The following MRPL44 variants were observed in gnomAD, a reference collection of about 807,000 sequenced individuals.
The protein encoded by MRPL44 is large ribosomal subunit protein mL44.
Under a neutral mutation model 25.9 loss-of-function variants are expected in MRPL44, and 21 were observed. That is an observed-to-expected ratio of 0.81 (90% CI 0.58 to 1.17). MRPL44 has a LOEUF of 1.17. Among genes scored for constraint, MRPL44 ranks in the 50% most tolerant of loss-of-function variants. The pLI is 0.00. For missense variants in MRPL44, 410 were observed against 398.9 expected (o/e 1.03, Z -0.24); for synonymous variants, 169 against 151.0 (o/e 1.12, Z -0.87).
Position 223,967,221 on chromosome 2 carries a change from G to C in MRPL44, c.*187G>C. The C allele has an allele frequency of 1.7e-6, 1 of 605,808 alleles. No homozygotes were observed. Among genetic ancestry groups the C allele is most frequent in the Non-Finnish European group, 2.7e-6 (1 of 372,320 alleles). 37.5% of individuals were successfully genotyped at this position (605,808 alleles called of 1,614,324 possible). A position where few individuals can be genotyped will look rare whatever the true frequency, so the allele number is the denominator to read the frequency against. ...TTTGGTTTTGTTTTTCTGAAATCTTGGTTTGATCAAATCTTTTTTTTTTTC... is the reference window on the plus strand; with the variant it reads ...TTTGGTTTTGTTTTTCTGAAATCTTCGTTTGATCAAATCTTTTTTTTTTTC... On this transcript the variant is annotated 3_prime_UTR_variant, in exon 4 of 4. Transcript: ENST00000258383.
chr2:223,958,496 CTTGT>C (rs1219245551), intron 1 of MRPL44, among the ~76,000 whole-genome samples: 1 of 152,146 alleles, frequency 6.6e-6, no homozygotes, highest in African/African-American at 2.4e-5. Context: ...TTCCCATTCC[CTTGT>C]TTATTATAAG....
At chr2:223,954,027 CT>C (rs1257055969), upstream of MRPL44, among the ~76,000 whole-genome samples, 1 of 152,208 alleles carries the variant, frequency 6.6e-6, no homozygotes, top group Non-Finnish European at 1.5e-5. Context: ...AGTGGAAACC[CT>C]GTGCTTGACA....
chr2:223,964,877 G>C (rs754408262), intron 3 of MRPL44, among the ~76,000 whole-genome samples: 17 of 152,136 alleles, frequency 1.1e-4, no homozygotes, highest in Non-Finnish European at 2.2e-4. Context: ...CTGGGACATG[G>C]TGGTCAGTAA....
At chr2:223,957,437 A>G, upstream of MRPL44, 1 of 1,613,026 alleles carries the variant, frequency 6.2e-7, no homozygotes, top group Non-Finnish European at 8.5e-7. Context: ...TGGCCCGACT[A>G]CTTTCGTTCC....
chr2:223,958,180 T>C (rs138383902), intron 1 of MRPL44, among the ~76,000 whole-genome samples: 1 of 152,346 alleles, frequency 6.6e-6, no homozygotes, highest in East Asian at 1.9e-4. Flanking sequence ...CTTTACATAA[T>C]TTAAATTCCT....
At chr2:223,957,280 G>C, upstream of MRPL44, 1 of 639,102 alleles carries the variant, frequency 1.6e-6, no homozygotes, top group Non-Finnish European at 2.7e-6. Context: ...CGCAAGCGTA[G>C]CCTCAAGGCG....
In MRPL44 at chr2:223,959,884, A is replaced by G. The variant is rs1689629859; in HGVS notation, c.530A>G (p.Gln177Arg). 6.2e-7 allele frequency: 1 copy of G among 1,614,202 alleles called. No individual in the cohort carries two copies. The highest frequency in any genetic ancestry group is 8.5e-7 in the Non-Finnish European group (1 of 1,180,030). ...CHVARNLAVE[Q>R]LTLSEEFPVP... Reference sequence around the variant, plus strand: ...GTGGCTAGAAACTTGGCTGTGGAGCAGTTAACACTGAGTGAAGAATTCCCA... The same window carrying G: ...GTGGCTAGAAACTTGGCTGTGGAGCGGTTAACACTGAGTGAAGAATTCCCA... Residue 177 changes from glutamine to arginine, a missense_variant, in exon 2 of 4, where the codon CAG becomes CGG. By Grantham distance (43) the Gln-to-Arg change is conservative. Coordinates refer to ENST00000258383, the MANE Select transcript of MRPL44 (RefSeq NM_022915.5).
chr2:223,966,229 C>T (rs1465216043), intron 3 of MRPL44, among the ~76,000 whole-genome samples: 1 of 79,200 alleles, frequency 1.3e-5, no homozygotes, highest in African/African-American at 4.2e-5. Context: ...GAGTGAGACT[C>T]AGTCTCAAAA....
At position 223,963,803 on chromosome 2, in the gene MRPL44, G is replaced by A. The variant is rs765512605; in HGVS notation, c.696G>A (p.Trp232Ter). 1 of 1,613,028 alleles carries A rather than the reference G, an allele frequency of 6.2e-7. No individual in the cohort carries two copies. The highest frequency in any genetic ancestry group is 1.1e-5 in the South Asian group (1 of 90,882). ...CTGGAAAAGAGCTCTTTGAGATGTG[G>A]AAGATAATAAATCCCATGGGGCTAT... ...QMTGKELFEMWKIINPMGLLV... is the reference protein window; with the variant it reads ...QMTGKELFEM Residue 232 changes from tryptophan (W) to a stop codon, truncating the protein, a stop_gained, in exon 3 of 4, where the codon TGG (tryptophan) becomes TGA (stop). Coordinates refer to ENST00000258383, the MANE Select transcript of MRPL44 (RefSeq NM_022915.5). LOFTEE classifies it high-confidence loss of function.
At position 223,957,952 on chromosome 2, in the gene MRPL44, T is replaced by C. The variant is rs1347818; in HGVS notation, c.179+301T>C. 0.45 allele frequency among the ~76,000 whole-genome samples: 67,980 copies of C among 151,894 alleles called. 15,274 individuals carry two copies. Among genetic ancestry groups the C allele is most frequent in the African/African-American group, 0.49 (20,388 of 41,404 alleles). ...CCTTATGTGGACTTGGATGTTGTAGTCCCCGTTTGTAATGCCTGAGAATTC... is the reference window on the plus strand; with the variant it reads ...CCTTATGTGGACTTGGATGTTGTAGCCCCCGTTTGTAATGCCTGAGAATTC... On this transcript the variant is annotated intron_variant, in intron 1 of 3. Transcript: ENST00000258383.
At chr2:223,952,901 ATTGT>A (rs1417475905), upstream of MRPL44, among the ~76,000 whole-genome samples, 3 of 152,050 alleles carry the variant, frequency 2.0e-5, no homozygotes, top group Non-Finnish European at 4.4e-5. Context: ...CTGATTCATC[ATTGT>A]TTGATCAGTT....
At chr2:223,966,784 A>G in intron 3 of MRPL44, 79 bp from the exon 4 acceptor site, 2 of 1,259,012 alleles carry the variant, frequency 1.6e-6, no homozygotes, top group South Asian at 3.2e-5. Flanking sequence ...TGTAGAAGGC[A>G]TAATTGCTTT....
At position 223,959,191 on chromosome 2, in the gene MRPL44, C is replaced by G. The variant is rs114793971; in HGVS notation, c.180-343C>G. ...TGAATCTGTGAAATTAACATTTATG[C>G]TTCATACTTAGGTATAAAACATAGT... On this transcript the variant is annotated intron_variant, in intron 1 of 3. Coordinates refer to ENST00000258383, the MANE Select transcript of MRPL44 (RefSeq NM_022915.5). Among the ~76,000 whole-genome samples, 316 of 152,272 alleles carry G rather than the reference C, an allele frequency of 2.1e-3. 3 individuals are homozygous for G. The highest frequency in any genetic ancestry group is 7.4e-3 in the African/African-American group (309 of 41,558).
intron 3 of MRPL44, among the ~76,000 whole-genome samples, chr2:223,964,187 A>G (rs1031117605): frequency 1.3e-5 from 2 of 152,236 alleles, no homozygotes; most frequent in Admixed American, 1.3e-4. Context: ...TTTGTCAGCC[A>G]ACTATTTGCT....
chr2:223,956,049 C>T (rs1286943399), upstream of MRPL44, among the ~76,000 whole-genome samples: 2 of 152,180 alleles, frequency 1.3e-5, no homozygotes, highest in Middle Eastern at 3.2e-3. Context: ...TGTGCTACAA[C>T]TGGCTTAGAT....
At chr2:223,957,334 T>C (rs946150554), upstream of MRPL44, 9 of 1,103,586 alleles carry the variant, frequency 8.2e-6, no homozygotes, top group Non-Finnish European at 1.2e-5. Flanking sequence ...CCCTGCCCTC[T>C]CTCAGTCGCC....
chr2:223,959,596 A>G lies in MRPL44; in HGVS notation c.242A>G (p.Glu81Gly). The G allele has an allele frequency of 1.2e-6, 2 of 1,614,096 alleles. No homozygotes were observed. The highest frequency in any genetic ancestry group is 1.7e-6 in the Non-Finnish European group (2 of 1,179,994). The change falls in exon 2 of 4, where the codon GAA (glutamate) becomes GGA (glycine). Residue 81 changes from glutamate (E) to glycine (G), a missense_variant. Transcript: ENST00000258383. ...CAAGCTTTTGGACATCGGTTACAGG[A>G]AAACTTTTCCTTAGATCTTCTCAAA... ...EIQAFGHRLQ[E>G]NFSLDLLKTA...
At chr2:223,966,095 G>A (rs1689736751) in intron 3 of MRPL44, among the ~76,000 whole-genome samples, 1 of 152,114 alleles carries the variant, frequency 6.6e-6, no homozygotes, top group African/African-American at 2.4e-5. Context: ...GTGTTGGCGG[G>A]TGCGTTGGCG....
At position 223,957,615 on chromosome 2, in the gene MRPL44, A is replaced by C; in HGVS notation, c.143A>C (p.Gln48Pro). Reference protein sequence around the residue: ...AFRFQKELERQRLLRCPPPPV... With the variant: ...AFRFQKELERPRLLRCPPPPV... Reference sequence around the variant, plus strand: ...CGCTTCCAGAAGGAGTTAGAGCGGCAGCGCCTTCTGCGGTGCCCGCCGCCG... The same window carrying C: ...CGCTTCCAGAAGGAGTTAGAGCGGCCGCGCCTTCTGCGGTGCCCGCCGCCG... Residue 48 changes from glutamine (Q) to proline (P), a missense_variant, in exon 1 of 4, where the codon CAG (glutamine) becomes CCG (proline). Gln to Pro is a moderately conservative substitution (Grantham distance 76). Transcript: ENST00000258383. 6.2e-7 allele frequency: 1 copy of C among 1,611,676 alleles called. No homozygotes were observed. The highest frequency in any genetic ancestry group is 8.5e-7 in the Non-Finnish European group (1 of 1,179,850).
Sources: gnomAD v4.1 joint callset for allele counts (sites outside exome capture counted in the v4.1 genomes callset) on GRCh38, gnomAD v4.1.1 for gene constraint, MANE v1.5 for transcripts, NCBI Gene and HGNC (gene_info 2026-07-23, HGNC 2026-07-21) for gene names.